The following NTM variants were observed in gnomAD, a reference collection of about 807,000 sequenced individuals.
NTM encodes neurotrimin.
A neutral mutation model predicts 42.1 loss-of-function variants in NTM; 13 were observed. The observed-to-expected ratio is 0.31, with a 90% CI of 0.20 to 0.49. NTM has a LOEUF of 0.49. Ranked by LOEUF, NTM falls within the 20% of genes least tolerant of loss-of-function variation. NTM has a pLI of 0.99. For missense variants in NTM, 373 were observed against 452.8 expected (o/e 0.82, Z 1.60); for synonymous variants, 187 against 179.2 (o/e 1.04, Z -0.35).
chr11:131,808,135 T>A (rs986730662), intron 1 of NTM, among the ~76,000 whole-genome samples: 17 of 152,212 alleles, frequency 1.1e-4, no homozygotes, highest in African/African-American at 3.6e-4. Context: ...GGACTCACTT[T>A]ACTTATCTTT....
At chr11:132,178,379 T>C (rs1592043954) in intron 3 of NTM, among the ~76,000 whole-genome samples, 1 of 152,244 alleles carries the variant, frequency 6.6e-6, no homozygotes, top group Non-Finnish European at 1.5e-5. Context: ...ATTCCCACTT[T>C]GCCTTTCTGT....
chr11:131,727,244 T>A (rs2079077411), intron 1 of NTM, among the ~76,000 whole-genome samples: 1 of 145,068 alleles, frequency 6.9e-6, no homozygotes, highest in Non-Finnish European at 1.5e-5. Flanking sequence ...AACAAGTTTA[T>A]ATAGAAATGC....
At chr11:131,917,632 C>A (rs1255301380) in intron 2 of NTM, among the ~76,000 whole-genome samples, 3 of 152,194 alleles carry the variant, frequency 2.0e-5, no homozygotes, top group Non-Finnish European at 4.4e-5. Context: ...TTTGTGGAGT[C>A]TGCTGGCAGT....
intron 1 of NTM, among the ~76,000 whole-genome samples, chr11:131,499,422 G>T (rs1269990021): frequency 6.6e-6 from 1 of 152,048 alleles, no homozygotes; most frequent in Non-Finnish European, 1.5e-5. Flanking sequence ...CGTCATCTCC[G>T]CTGTCCCCAG....
intron 4 of NTM, among the ~76,000 whole-genome samples, chr11:132,280,517 G>A (rs1041984722): frequency 3.3e-4 from 35 of 106,326 alleles, no homozygotes; most frequent in Admixed American, 5.8e-4. Context: ...ATGGAGTCAC[G>A]CCCTGGCACC....
chr11:131,812,837 G>A (rs1292717199), intron 1 of NTM, among the ~76,000 whole-genome samples: 1 of 152,146 alleles, frequency 6.6e-6, no homozygotes, highest in Non-Finnish European at 1.5e-5. Flanking sequence ...AAAGCATTTA[G>A]CAAATTCAAG....
At chr11:131,891,276 C>T (rs1035339160) in intron 1 of NTM, among the ~76,000 whole-genome samples, 6 of 152,042 alleles carry the variant, frequency 3.9e-5, no homozygotes, top group Non-Finnish European at 7.3e-5. Flanking sequence ...ACTGGGACGA[C>T]CAAAAGACAG....
chr11:131,882,013 G>C (rs566808079), intron 1 of NTM, among the ~76,000 whole-genome samples: 1 of 152,254 alleles, frequency 6.6e-6, no homozygotes, highest in Admixed American at 6.5e-5. Flanking sequence ...TAGAAAATAG[G>C]GTGAAATCCA....
chr11:131,461,104 C>T (rs1002410900), intron 1 of NTM, among the ~76,000 whole-genome samples: 1 of 152,192 alleles, frequency 6.6e-6, no homozygotes, highest in Non-Finnish European at 1.5e-5. Flanking sequence ...ATGAGGGTAT[C>T]GGTTGCAAAA....
intron 1 of NTM, among the ~76,000 whole-genome samples, chr11:131,437,231 G>A (rs148559862): frequency 0.037 from 5,596 of 152,270 alleles, 157 homozygotes; most frequent in Non-Finnish European, 0.057. Flanking sequence ...GAATAAGTGC[G>A]ATGTGGTGCT....
chr11:131,412,258 C>G (rs999830417), intron 1 of NTM, among the ~76,000 whole-genome samples: 1 of 152,100 alleles, frequency 6.6e-6, no homozygotes, highest in African/African-American at 2.4e-5. Flanking sequence ...GAAACAATGA[C>G]GGACTCAGCA....
At chr11:131,667,775 T>C (rs1013343216) in intron 1 of NTM, among the ~76,000 whole-genome samples, 3 of 152,204 alleles carry the variant, frequency 2.0e-5, no homozygotes, top group Non-Finnish European at 4.4e-5. Flanking sequence ...TTTAAACCCA[T>C]GGACGCCCTC....
intron 3 of NTM, among the ~76,000 whole-genome samples, chr11:132,193,752 A>G (rs2079693648): frequency 6.6e-6 from 1 of 152,096 alleles, no homozygotes; most frequent in African/African-American, 2.4e-5. Context: ...AAGAGAGAAG[A>G]TGCAAACACC....
intron 1 of NTM, among the ~76,000 whole-genome samples, chr11:131,518,657 AC>A (rs2049197153): frequency 6.6e-6 from 1 of 152,148 alleles, no homozygotes; most frequent in African/African-American, 2.4e-5. Context: ...TCAGTGACTC[AC>A]TGTAGGCATG....
intron 1 of NTM, among the ~76,000 whole-genome samples, chr11:131,788,603 TAA>T (rs1238449976): frequency 6.6e-6 from 1 of 152,184 alleles, no homozygotes; most frequent in Middle Eastern, 3.2e-3. Flanking sequence ...ATATAAAATA[TAA>T]CTTCCTCACC....
At chr11:132,073,832 C>A (rs1430977510) in intron 2 of NTM, among the ~76,000 whole-genome samples, 1 of 152,160 alleles carries the variant, frequency 6.6e-6, no homozygotes, top group East Asian at 1.9e-4. Context: ...CTCTTTAGTT[C>A]TATCCCATTT....
chr11:131,889,322 C>T (rs1015585950), intron 1 of NTM, among the ~76,000 whole-genome samples: 1 of 152,172 alleles, frequency 6.6e-6, no homozygotes, highest in African/African-American at 2.4e-5. Context: ...CAGCCTCCTT[C>T]CTTTTAAGGT....
At chr11:132,311,312 A>G (rs2095273029) in intron 6 of NTM, among the ~76,000 whole-genome samples, 1 of 152,198 alleles carries the variant, frequency 6.6e-6, no homozygotes, top group Non-Finnish European at 1.5e-5. Context: ...GGGTTTTATC[A>G]TAATCCTCCC....
chr11:131,632,001 T>C (rs1233141590), intron 1 of NTM, among the ~76,000 whole-genome samples: 1 of 152,190 alleles, frequency 6.6e-6, no homozygotes, highest in Non-Finnish European at 1.5e-5. Context: ...CAATGCTAGA[T>C]TACTTAGTAT....
Sources: allele counts gnomAD v4.1 joint callset (sites outside exome capture counted in the v4.1 genomes callset), GRCh38; gene constraint gnomAD v4.1.1; transcripts MANE v1.5; gene names NCBI Gene and HGNC (gene_info 2026-07-23, HGNC 2026-07-21).